The following CSMD3 variants were observed in gnomAD, a reference collection of about 807,000 sequenced individuals.
CSMD3 encodes the protein CUB and sushi domain-containing protein 3.
Under a neutral mutation model 435.2 loss-of-function variants are expected in CSMD3, and 177 were observed. That is an observed-to-expected ratio of 0.41 (90% CI 0.36 to 0.46). CSMD3 has a LOEUF of 0.46. Ranked by LOEUF, CSMD3 falls within the 20% of genes least tolerant of loss-of-function variation. The pLI is 0.34. For missense variants in CSMD3, 4,265 were observed against 4,504.6 expected (o/e 0.95, Z 1.52); for synonymous variants, 1,656 against 1,520.5 (o/e 1.09, Z -2.07).
chr8:112,405,610 G>A (rs55756436), intron 35 of CSMD3, among the ~76,000 whole-genome samples: 9,034 of 151,394 alleles, frequency 0.06, 303 homozygotes, highest in African/African-American at 0.08. Flanking sequence ...AAACAACTTC[G>A]AAACAATAAG....
At chr8:112,573,405 C>A in intron 24 of CSMD3, 96 bp downstream of exon 24, 10 of 1,042,430 alleles carry the variant, frequency 9.6e-6, no homozygotes, top group Admixed American at 1.7e-5. Context: ...AATTAATAAT[C>A]AAATATTGGA....
At chr8:112,956,931 T>C (rs1371195239) in intron 7 of CSMD3, among the ~76,000 whole-genome samples, 1 of 152,132 alleles carries the variant, frequency 6.6e-6, no homozygotes, top group Non-Finnish European at 1.5e-5. Flanking sequence ...GTCAGGAGAA[T>C]ATCCATTTTT....
At chr8:113,302,280 A>T (rs988658455) in intron 2 of CSMD3, among the ~76,000 whole-genome samples, 685 of 11,530 alleles carry the variant, frequency 0.059, 9 homozygotes, top group African/African-American at 0.27. Context: ...ATATATAATT[A>T]TAATATATAA....
chr8:112,238,277 T>A (rs542398995), intron 66 of CSMD3, among the ~76,000 whole-genome samples: 5 of 152,080 alleles, frequency 3.3e-5, no homozygotes, highest in East Asian at 3.9e-4. Flanking sequence ...TCCTTTTTTT[T>A]AATTTGTCTA....
At chr8:113,032,779 A>C (rs1226383397) in intron 5 of CSMD3, among the ~76,000 whole-genome samples, 1 of 151,588 alleles carries the variant, frequency 6.6e-6, no homozygotes, top group Non-Finnish European at 1.5e-5. Flanking sequence ...TCTCCAGGGC[A>C]TGTCAGAGAA....
chr8:112,559,511 G>A (rs1828426002), intron 24 of CSMD3, among the ~76,000 whole-genome samples: 1 of 151,762 alleles, frequency 6.6e-6, no homozygotes, highest in Admixed American at 6.6e-5. Flanking sequence ...TTGCCCCCAG[G>A]AGTAAGGACT....
At chr8:113,404,008 A>T (rs1414137059) in intron 1 of CSMD3, among the ~76,000 whole-genome samples, 1 of 151,452 alleles carries the variant, frequency 6.6e-6, no homozygotes, top group African/African-American at 2.4e-5. Context: ...GATTTGAAAC[A>T]TTAATAACTT....
intron 27 of CSMD3, among the ~76,000 whole-genome samples, chr8:112,542,332 A>G (rs1826749908): frequency 6.6e-6 from 1 of 150,622 alleles, no homozygotes; most frequent in African/African-American, 2.4e-5. Flanking sequence ...GAAAAACAAA[A>G]GGCCTCCAAA....
At chr8:112,430,264 A>G (rs1446181439) in intron 32 of CSMD3, among the ~76,000 whole-genome samples, 1 of 152,022 alleles carries the variant, frequency 6.6e-6, no homozygotes, top group Non-Finnish European at 1.5e-5. Context: ...AGAGTGACAA[A>G]AAAACAGATT....
intron 10 of CSMD3, among the ~76,000 whole-genome samples, chr8:112,877,936 T>C (rs1312233540): frequency 1.3e-5 from 2 of 152,164 alleles, no homozygotes; most frequent in East Asian, 3.9e-4. Context: ...GTTATAGACT[T>C]AAACCTAAAA....
chr8:112,372,019 AACAAAAT>A (rs146343972), intron 38 of CSMD3, among the ~76,000 whole-genome samples: 1,628 of 152,298 alleles, frequency 0.011, 37 homozygotes, highest in African/African-American at 0.037. Context: ...ACTACTTGAT[AACAAAAT>A]ACAAAAACAA....
chr8:113,008,442 T>C (rs2086137416), intron 6 of CSMD3, among the ~76,000 whole-genome samples: 1 of 151,836 alleles, frequency 6.6e-6, no homozygotes, highest in Non-Finnish European at 1.5e-5. Flanking sequence ...GCTCACCTTA[T>C]CTGTTAAGGA....
At chr8:113,059,793 T>C (rs930526053) in intron 5 of CSMD3, among the ~76,000 whole-genome samples, 10 of 152,152 alleles carry the variant, frequency 6.6e-5, no homozygotes, top group African/African-American at 2.4e-4. Flanking sequence ...TCTGCTACTT[T>C]TGCTTCTGGG....
intron 6 of CSMD3, among the ~76,000 whole-genome samples, chr8:112,984,294 A>C (rs2085167120): frequency 6.6e-6 from 1 of 152,012 alleles, no homozygotes; most frequent in South Asian, 2.1e-4. Context: ...ATATAAGTAA[A>C]AAAGAACAAA....
rs1198130553 is a variant in CSMD3, at chr8:113,430,619, G to T, written c.178+6058C>A. 2.0e-5 allele frequency among the ~76,000 whole-genome samples: 3 copies of T among 152,052 alleles called. No individual in the cohort carries two copies. The South Asian group carries it at 6.2e-4, about 32-fold the overall frequency. On this transcript the variant is annotated intron_variant, in intron 1 of 70. Coordinates refer to ENST00000297405, the MANE Select transcript of CSMD3 (RefSeq NM_198123.2). ...AACAGACCTTATCTGGGAAACTGAG[G>T]TATTTTTATTGCTAAAAAGTTTTTA...
chr8:113,056,035 G>A (rs558897700), intron 5 of CSMD3, among the ~76,000 whole-genome samples: 2 of 152,298 alleles, frequency 1.3e-5, no homozygotes, highest in South Asian at 4.1e-4. Context: ...GGATAAGGTA[G>A]TGTTGTCCTG....
intron 64 of CSMD3, 34 bp downstream of exon 64, chr8:112,246,986 C>T (rs748443153): frequency 7.1e-7 from 1 of 1,403,852 alleles, no homozygotes; most frequent in Non-Finnish European, 1.0e-6. Context: ...AATTCTTACC[C>T]ATGATAGCAT....
chr8:112,618,138 T>C (rs946357996), intron 22 of CSMD3, among the ~76,000 whole-genome samples: 1 of 152,068 alleles, frequency 6.6e-6, no homozygotes, highest in East Asian at 1.9e-4. Flanking sequence ...TAAAAGATAC[T>C]TTTTCCTACA....
intron 22 of CSMD3, among the ~76,000 whole-genome samples, chr8:112,616,425 C>A (rs1833667881): frequency 6.6e-6 from 1 of 152,038 alleles, no homozygotes; most frequent in African/African-American, 2.4e-5. Flanking sequence ...AGCACTCCTA[C>A]CATGTGAGAT....
Sources: gnomAD v4.1 joint callset for allele counts (sites outside exome capture counted in the v4.1 genomes callset) on GRCh38, gnomAD v4.1.1 for gene constraint, MANE v1.5 for transcripts, NCBI Gene and HGNC (gene_info 2026-07-23, HGNC 2026-07-21) for gene names.